SOCS5: variants seen among roughly 807,000 people sequenced by gnomAD.
The protein encoded by SOCS5 is suppressor of cytokine signaling 5.
SOCS5 carries 32 observed loss-of-function variants against 42.8 expected under a neutral mutation model. The ratio of observed to expected loss-of-function variants is 0.75; its 90% CI spans 0.56 to 1.01. The LOEUF is 1.01. Among genes scored for constraint, SOCS5 ranks in the 50% least tolerant of loss-of-function variants. The pLI, the probability that SOCS5 is intolerant of heterozygous loss-of-function variation, is 0.00. For missense variants in SOCS5, 627 were observed against 653.0 expected, an observed-to-expected ratio of 0.96 and a Z score of 0.43; for synonymous variants, 283 against 229.6, an observed-to-expected ratio of 1.23 and a Z score of -2.10.
chr2:46,760,027 T>C lies in SOCS5; in HGVS notation c.1497T>C (p.Asp499=), dbSNP rs200608930. The C allele has an allele frequency of 2.1e-4, 339 of 1,614,142 alleles. 1 individual carries two copies. In the Admixed American group the frequency reaches 2.3e-3, roughly 11 times the overall value. ...RAVICRCTTY[D]GIDGLPLPSM... ...TAATCTGCAGGTGCACTACGTATGATGGAATTGATGGGCTCCCTCTACCCT... is the reference window on the plus strand; with the variant it reads ...TAATCTGCAGGTGCACTACGTATGACGGAATTGATGGGCTCCCTCTACCCT... The change falls in exon 2 of 2, where the codon GAT becomes GAC. Residue 499 remains aspartate (D), a synonymous_variant. Transcript: ENST00000394861.
At position 46,762,767 on chromosome 2, in the gene SOCS5, C is replaced by G. The variant is rs1266568301; in HGVS notation, c.*2626C>G. The G allele has an allele frequency of 1.8e-5, 3 of 165,162 alleles. No homozygotes were observed. The Admixed American group carries it at 2.0e-4, about 11-fold the overall frequency. The allele number at this position is 165,162 out of a possible 1,614,324, so 10.2% of individuals were successfully genotyped here. A position where few individuals can be genotyped will look rare whatever the true frequency, so the allele number is the denominator to read the frequency against. On this transcript the variant is annotated 3_prime_UTR_variant, in exon 2 of 2. Coordinates refer to ENST00000394861, the MANE Select transcript of SOCS5 (RefSeq NM_144949.3). ...TTTTAAAGTGCATTTAAATACAAAC[C>G]AGGAATTTCTTTAGAAGTTGAGATA...
chr2:46,761,713 C>T lies in SOCS5; in HGVS notation c.*1572C>T, dbSNP rs563715351. 5.4e-5 allele frequency: 9 copies of T among 166,696 alleles called. No individual in the cohort carries two copies. The highest frequency in any genetic ancestry group is 1.9e-4 in the African/African-American group (8 of 41,546). The allele number at this position is 166,696 out of a possible 1,614,324, so 10.3% of individuals were successfully genotyped here. On this transcript the variant is annotated 3_prime_UTR_variant, in exon 2 of 2. Coordinates refer to ENST00000394861, the MANE Select transcript of SOCS5 (RefSeq NM_144949.3). ...ACTAACAACCTTTCTATAGTTAATG[C>T]AGAGTTAATGAACAGTCTAATATTG...
At chr2:46,743,229 A>G (rs1002962337) in intron 1 of SOCS5, among the ~76,000 whole-genome samples, 1 of 152,134 alleles carries the variant, frequency 6.6e-6, no homozygotes, top group African/African-American at 2.4e-5. Flanking sequence ...GTCTTGCGCA[A>G]GAAAGAATTC....
intron 1 of SOCS5, among the ~76,000 whole-genome samples, chr2:46,756,742 T>G (rs943989523): frequency 2.0e-5 from 3 of 152,070 alleles, no homozygotes; most frequent in African/African-American, 4.8e-5. Context: ...GAAGAGAACA[T>G]CTACAAAGAT....
intron 1 of SOCS5, among the ~76,000 whole-genome samples, chr2:46,731,022 C>A (rs755202944): frequency 6.6e-6 from 1 of 152,132 alleles, no homozygotes; most frequent in East Asian, 1.9e-4. Flanking sequence ...TTTTTATATT[C>A]GATTTTAAGT....
Position 46,742,873 on chromosome 2 carries a change from C to A in SOCS5, c.-12-15646C>A, listed in dbSNP as rs542456660. On this transcript the variant is annotated intron_variant, in intron 1 of 1. Transcript: ENST00000394861. ...TAGAGACGGGGTTTCACCATGATGG[C>A]CAGGCTAGTCTAGAACTCCTGACCT... Among the ~76,000 whole-genome samples the A allele has an allele frequency of 1.4e-4, 22 of 152,166 alleles. No individual in the cohort carries two copies. In the East Asian group the frequency reaches 4.1e-3, roughly 28 times the overall value.
intron 1 of SOCS5, among the ~76,000 whole-genome samples, chr2:46,729,353 C>G (rs1424829958): frequency 1.3e-5 from 2 of 152,090 alleles, no homozygotes; most frequent in Non-Finnish European, 2.9e-5. Context: ...TGCTTAACAA[C>G]AGGGATACGT....
chr2:46,750,730 G>A (rs6715737), intron 1 of SOCS5, among the ~76,000 whole-genome samples: 2,322 of 152,190 alleles, frequency 0.015, 63 homozygotes, highest in African/African-American at 0.053. Flanking sequence ...TACAGATACC[G>A]AAACATTGTT....
intron 1 of SOCS5, 54 bp from the exon 2 acceptor site, chr2:46,758,465 T>A (rs1558414406): frequency 1.5e-6 from 2 of 1,302,770 alleles, no homozygotes; most frequent in Admixed American, 2.3e-5. Context: ...CTTAGCTACC[T>A]TCACATGCTA....
intron 1 of SOCS5, among the ~76,000 whole-genome samples, chr2:46,707,012 C>G (rs1046385657): frequency 2.6e-5 from 4 of 151,796 alleles, no homozygotes; most frequent in African/African-American, 9.7e-5. Context: ...AAATGCTGTA[C>G]AAATGAGGAT....
Position 46,709,492 on chromosome 2 carries a change from T to C in SOCS5, c.-13+10043T>C, listed in dbSNP as rs562048131. Among the ~76,000 whole-genome samples the C allele has an allele frequency of 2.6e-5, 4 of 152,164 alleles. No individual in the cohort carries two copies. In the South Asian group the frequency reaches 6.2e-4, roughly 24 times the overall value. On this transcript the variant is annotated intron_variant, in intron 1 of 1. Transcript: ENST00000394861. ...CTTAGTGGAAAAGATGAGTTTTGGG[T>C]TTGGTTTTAGAGGAGGTAGAAAGAC...
At chr2:46,751,847 T>A (rs1283517982) in intron 1 of SOCS5, among the ~76,000 whole-genome samples, 1 of 152,176 alleles carries the variant, frequency 6.6e-6, no homozygotes, top group Non-Finnish European at 1.5e-5. Flanking sequence ...GGTTGTTGTA[T>A]AGCCCACCAT....
At chr2:46,736,550 A>G (rs1673250396) in intron 1 of SOCS5, among the ~76,000 whole-genome samples, 1 of 152,220 alleles carries the variant, frequency 6.6e-6, no homozygotes, top group South Asian at 2.1e-4. Flanking sequence ...TTACTCTAGG[A>G]ACCTCATGAG....
chr2:46,748,279 A>G (rs564317981), intron 1 of SOCS5, among the ~76,000 whole-genome samples: 202 of 148,710 alleles, frequency 1.4e-3, no homozygotes, highest in Non-Finnish European at 1.7e-3. Context: ...TCAGCCTCCC[A>G]GGTTCCAGCA....
At chr2:46,724,306 A>T (rs1672947196) in intron 1 of SOCS5, among the ~76,000 whole-genome samples, 1 of 151,830 alleles carries the variant, frequency 6.6e-6, no homozygotes. Flanking sequence ...AAGAGTAAAT[A>T]TCATTGATTC....
At chr2:46,723,355 G>T (rs1672922683) in intron 1 of SOCS5, among the ~76,000 whole-genome samples, 2 of 149,262 alleles carry the variant, frequency 1.3e-5, no homozygotes, top group East Asian at 3.9e-4. Context: ...TTAGGTTAAG[G>T]TTCATGTATT....
At chr2:46,731,342 C>A (rs1386079965) in intron 1 of SOCS5, among the ~76,000 whole-genome samples, 1 of 152,210 alleles carries the variant, frequency 6.6e-6, no homozygotes. Context: ...AACCAGGAAG[C>A]AGGTCCTCAC....
chr2:46,724,928 G>C (rs1672960353), intron 1 of SOCS5, among the ~76,000 whole-genome samples: 1 of 151,710 alleles, frequency 6.6e-6, no homozygotes, highest in South Asian at 2.1e-4. Flanking sequence ...TTGTCTATTA[G>C]ATTTTTGTTG....
intron 1 of SOCS5, among the ~76,000 whole-genome samples, chr2:46,723,401 T>G (rs973040600): frequency 6.6e-6 from 1 of 152,096 alleles, no homozygotes; most frequent in African/African-American, 2.4e-5. Flanking sequence ...TCTGAAAGTT[T>G]TATAGGTTTG....
Sources: gnomAD v4.1 joint callset for allele counts (sites outside exome capture counted in the v4.1 genomes callset) on GRCh38, gnomAD v4.1.1 for gene constraint, MANE v1.5 for transcripts, NCBI Gene and HGNC (gene_info 2026-07-23, HGNC 2026-07-21) for gene names.